The following KIAA1328 variants were observed in gnomAD, a reference collection of about 807,000 sequenced individuals.
The protein encoded by KIAA1328 is protein hinderin.
KIAA1328 carries 52 observed loss-of-function variants against 68.1 expected under a neutral mutation model. The ratio of observed to expected loss-of-function variants is 0.76; its 90% CI spans 0.61 to 0.96. The LOEUF is 0.96. Ranked by LOEUF, KIAA1328 falls within the 40% of genes least tolerant of loss-of-function variation. The pLI is 0.00. For synonymous variants in KIAA1328, 232 were observed against 239.4 expected, an observed-to-expected ratio of 0.97 and a Z score of 0.28; for missense variants, 641 against 677.6, an observed-to-expected ratio of 0.95 and a Z score of 0.60.
At chr18:37,208,753 T>A (rs1023386580) in intron 9 of KIAA1328, among the ~76,000 whole-genome samples, 2 of 152,136 alleles carry the variant, frequency 1.3e-5, no homozygotes, top group African/African-American at 4.8e-5. Context: ...CAATTAAAGC[T>A]AGGAGATAGA....
At chr18:36,870,539 C>G (rs1442173976) in intron 4 of KIAA1328, among the ~76,000 whole-genome samples, 1 of 152,080 alleles carries the variant, frequency 6.6e-6, no homozygotes, top group Non-Finnish European at 1.5e-5. Flanking sequence ...CCTTCCTGTC[C>G]TCCCATAGAT....
chr18:36,963,757 A>G (rs1361334932), intron 6 of KIAA1328, among the ~76,000 whole-genome samples: 1 of 152,132 alleles, frequency 6.6e-6, no homozygotes, highest in Non-Finnish European at 1.5e-5. Context: ...CATCTCTGTA[A>G]TGTCACCTTT....
At chr18:37,207,788 C>A (rs1354641117) in intron 9 of KIAA1328, among the ~76,000 whole-genome samples, 1 of 152,200 alleles carries the variant, frequency 6.6e-6, no homozygotes, top group Non-Finnish European at 1.5e-5. Context: ...TGCAAGAGAA[C>A]TCATCATTCA....
chr18:37,085,162 C>G (rs2057065322), intron 7 of KIAA1328, among the ~76,000 whole-genome samples: 1 of 152,102 alleles, frequency 6.6e-6, no homozygotes, highest in Non-Finnish European at 1.5e-5. Flanking sequence ...CAGGATCTCA[C>G]CTGGTGCTGA....
chr18:37,159,944 T>C (rs1234430568), intron 7 of KIAA1328, among the ~76,000 whole-genome samples: 1 of 152,194 alleles, frequency 6.6e-6, no homozygotes, highest in African/African-American at 2.4e-5. Flanking sequence ...CTTTATTAGC[T>C]GTTTCATCAG....
intron 6 of KIAA1328, among the ~76,000 whole-genome samples, chr18:36,976,736 C>T (rs780594181): frequency 2.0e-5 from 3 of 152,008 alleles, no homozygotes; most frequent in African/African-American, 4.8e-5. Context: ...CAAATACCTG[C>T]GTAGATTTGA....
intron 6 of KIAA1328, among the ~76,000 whole-genome samples, chr18:37,004,623 A>G (rs1330457887): frequency 6.6e-6 from 1 of 152,116 alleles, no homozygotes; most frequent in Non-Finnish European, 1.5e-5. Context: ...GGATGCAGTG[A>G]AAAGAAAACA....
intron 7 of KIAA1328, among the ~76,000 whole-genome samples, chr18:37,132,534 T>C (rs1267376116): frequency 6.6e-6 from 1 of 152,228 alleles, no homozygotes; most frequent in Middle Eastern, 3.2e-3. Flanking sequence ...GAATTGGAAC[T>C]CCTGGTAAAT....
chr18:37,114,412 G>A (rs554180517), intron 7 of KIAA1328, among the ~76,000 whole-genome samples: 105 of 152,264 alleles, frequency 6.9e-4, no homozygotes, highest in African/African-American at 2.4e-3. Context: ...AGTGACTACT[G>A]GGTACATAAT....
At chr18:36,856,349 T>C (rs550555477) in intron 4 of KIAA1328, among the ~76,000 whole-genome samples, 38 of 152,248 alleles carry the variant, frequency 2.5e-4, no homozygotes, top group African/African-American at 9.1e-4. Context: ...ACAGGTCCAT[T>C]AAACTCTCTT....
chr18:37,028,970 C>T (rs2054709018), intron 6 of KIAA1328, among the ~76,000 whole-genome samples: 1 of 151,092 alleles, frequency 6.6e-6, no homozygotes. Flanking sequence ...GGGATGTTTT[C>T]CTGAAGTGTT....
rs147603030 is a variant in KIAA1328 at position 37,091,482 on chromosome 18, G to T, written c.1232+23937G>T. Among the ~76,000 whole-genome samples, 67 of 152,292 alleles carry T rather than the reference G, an allele frequency of 4.4e-4. No individual in the cohort carries two copies. In the East Asian group the frequency reaches 0.012, roughly 28 times the overall value. On this transcript the variant is annotated intron_variant, in intron 7 of 9. Transcript: ENST00000280020. ...GTGGACTCCTGCAATTCTAGCTATA[G>T]GAGAGCTCTTCAGTTCTTATGGGCC...
intron 7 of KIAA1328, among the ~76,000 whole-genome samples, chr18:37,088,280 CT>C (rs1295157637): frequency 6.6e-6 from 1 of 151,984 alleles, no homozygotes; most frequent in Non-Finnish European, 1.5e-5. Flanking sequence ...CTTTTTTGTT[CT>C]TTTAATATTA....
At chr18:37,095,280 ATTC>A (rs1336400489) in intron 7 of KIAA1328, among the ~76,000 whole-genome samples, 5 of 152,220 alleles carry the variant, frequency 3.3e-5, no homozygotes, top group African/African-American at 1.2e-4. Context: ...CAGAATATGC[ATTC>A]TTCTCGTCAG....
At chr18:37,133,565 G>T (rs866164525) in intron 7 of KIAA1328, among the ~76,000 whole-genome samples, 2 of 137,028 alleles carry the variant, frequency 1.5e-5, no homozygotes, top group African/African-American at 5.6e-5. Flanking sequence ...TCGCTCTGTC[G>T]CCCAGGCTGG....
chr18:37,135,830 A>G (rs1468744731), intron 7 of KIAA1328, among the ~76,000 whole-genome samples: 1 of 152,062 alleles, frequency 6.6e-6, no homozygotes, highest in Non-Finnish European at 1.5e-5. Context: ...ACATTTAAAT[A>G]TTTCTTCCAT....
chr18:36,881,272 G>A lies in KIAA1328; in HGVS notation c.333-4285G>A, dbSNP rs144661505. ...TTTTATTCTTCGAGTTTTTAAAACA[G>A]TGTGTACTTTTATAAGTTTTCTTTA... On this transcript the variant is annotated intron_variant, in intron 4 of 9. Coordinates refer to ENST00000280020, the MANE Select transcript of KIAA1328 (RefSeq NM_020776.3). Among the ~76,000 whole-genome samples, 48 of 151,988 alleles carry A rather than the reference G, an allele frequency of 3.2e-4. No individual in the cohort carries two copies. The East Asian group carries it at 8.3e-3, about 26-fold the overall frequency.
At chr18:37,166,031 G>A (rs550836437) in intron 8 of KIAA1328, among the ~76,000 whole-genome samples, 1 of 146,028 alleles carries the variant, frequency 6.8e-6, no homozygotes, top group South Asian at 2.1e-4. Context: ...AGATATTGGG[G>A]TGGTAATTTT....
intron 9 of KIAA1328, among the ~76,000 whole-genome samples, chr18:37,216,061 A>G (rs922149473): frequency 1.3e-5 from 2 of 151,612 alleles, no homozygotes; most frequent in East Asian, 1.9e-4. Flanking sequence ...TAATCTTGCT[A>G]TTGGTCTATC....
Sources: allele counts gnomAD v4.1 joint callset (sites outside exome capture counted in the v4.1 genomes callset), GRCh38; gene constraint gnomAD v4.1.1; transcripts MANE v1.5; gene names NCBI Gene and HGNC (gene_info 2026-07-23, HGNC 2026-07-21).